Variants in NRXN1 observed in about 807,000 individuals in gnomAD.
NRXN1 encodes neurexin 1.
Under a neutral mutation model 150.9 loss-of-function variants are expected in NRXN1, and 39 were observed. That is an observed-to-expected ratio of 0.26 (90% CI 0.20 to 0.34). The LOEUF (loss-of-function observed/expected upper bound fraction) is 0.34. Among genes scored for constraint, NRXN1 ranks in the 10% least tolerant of loss-of-function variants. NRXN1 has a pLI of 1.00. For synonymous variants in NRXN1, 924 were observed against 757.0 expected (o/e 1.22, Z -3.62); for missense variants, 1,815 against 1,949.9 (o/e 0.93, Z 1.30).
intron 18 of NRXN1, among the ~76,000 whole-genome samples, chr2:50,167,353 C>T (rs17040074): frequency 0.011 from 1,637 of 152,184 alleles, 33 homozygotes; most frequent in African/African-American, 0.037. Flanking sequence ...GAAATCCTCT[C>T]GCTCAACATG....
chr2:50,609,714 G>A lies in NRXN1; in HGVS notation c.1320+10308C>T, dbSNP rs1035629301. 9.2e-5 allele frequency among the ~76,000 whole-genome samples: 14 copies of A among 152,144 alleles called. No individual in the cohort carries two copies. The East Asian group carries it at 9.7e-4, about 11-fold the overall frequency. On this transcript the variant is annotated intron_variant, in intron 8 of 22. Coordinates refer to ENST00000401669, the MANE Select transcript of NRXN1 (RefSeq NM_001330078.2). The stretch of plus-strand genomic sequence containing the variant: ...TCTATAAAAAGTTATTGTTATTCCT[G>A]TTTAATTCAAATTTAGAAACCTAGG...
intron 5 of NRXN1, among the ~76,000 whole-genome samples, chr2:50,787,556 T>C (rs928649296): frequency 6.6e-6 from 1 of 151,318 alleles, no homozygotes; most frequent in Non-Finnish European, 1.5e-5. Flanking sequence ...AAACTCCATC[T>C]AAAAAAAGAC....
chr2:50,965,727 C>A (rs199666848), intron 2 of NRXN1, among the ~76,000 whole-genome samples: 3 of 151,268 alleles, frequency 2.0e-5, no homozygotes, highest in East Asian at 3.9e-4. Context: ...CAGGTCCTAA[C>A]AACTTTTATT....
At chr2:50,838,056 A>G (rs1394084422) in intron 5 of NRXN1, among the ~76,000 whole-genome samples, 2 of 152,160 alleles carry the variant, frequency 1.3e-5, no homozygotes, top group Admixed American at 1.3e-4. Context: ...GTTAAGGAGT[A>G]GCAGAGAACA....
chr2:50,444,399 A>G (rs892838566), intron 17 of NRXN1, among the ~76,000 whole-genome samples: 2 of 152,178 alleles, frequency 1.3e-5, no homozygotes, highest in Non-Finnish European at 2.9e-5. Flanking sequence ...AGTAAATTAC[A>G]GCACCCACAG....
intron 21 of NRXN1, among the ~76,000 whole-genome samples, chr2:50,037,507 GATAA>G (rs1690223052): frequency 6.6e-6 from 1 of 152,022 alleles, no homozygotes; most frequent in Non-Finnish European, 1.5e-5. Context: ...TTTCTTCATT[GATAA>G]ATAGAGGGTT....
rs764187906 is a variant in NRXN1, at chr2:50,497,731, T to C, written c.2498-17A>G. On this transcript the variant is annotated splice_polypyrimidine_tract_variant and intron_variant, in intron 13 of 22. Coordinates refer to ENST00000401669, the MANE Select transcript of NRXN1 (RefSeq NM_001330078.2). ...CCATTTGACCTAAAAGAGAAGATAA[T>C]ATATGATTATTTTCTGTATCTGAAA... 30 of 1,577,288 alleles carry C rather than the reference T, an allele frequency of 1.9e-5. No homozygotes were observed. The Admixed American group carries it at 5.5e-4, about 29-fold the overall frequency.
chr2:50,123,970 T>A (rs1055221508), intron 18 of NRXN1, among the ~76,000 whole-genome samples: 23 of 152,204 alleles, frequency 1.5e-4, no homozygotes, highest in African/African-American at 5.3e-4. Flanking sequence ...ACGTATCACA[T>A]ACAGATGGTA....
At position 49,921,729 on chromosome 2, in the gene NRXN1, T is replaced by C; in HGVS notation, c.*215A>G. The stretch of plus-strand genomic sequence containing the variant: ...TGAAAACACTGTGGATGTTAGGGAA[T>C]TTATTGGCCCCTGTTTTTTGTTTTT... On this transcript the variant is annotated 3_prime_UTR_variant, in exon 23 of 23. Coordinates refer to ENST00000401669, the MANE Select transcript of NRXN1 (RefSeq NM_001330078.2). 1 of 556,884 alleles carries C rather than the reference T, an allele frequency of 1.8e-6. No homozygotes were observed. The highest frequency in any genetic ancestry group is 3.1e-5 in the East Asian group (1 of 32,382). 34.5% of individuals were successfully genotyped at this position (556,884 alleles called of 1,614,324 possible).
chr2:50,571,827 G>GA (rs1670711891), intron 8 of NRXN1, among the ~76,000 whole-genome samples: 1 of 151,990 alleles, frequency 6.6e-6, no homozygotes, highest in Non-Finnish European at 1.5e-5. Context: ...TAGAAAAAGG[G>GA]AAAAACAAAA....
intron 9 of NRXN1, among the ~76,000 whole-genome samples, chr2:50,542,575 T>C (rs1302210056): frequency 6.6e-6 from 1 of 152,184 alleles, no homozygotes; most frequent in Non-Finnish European, 1.5e-5. Flanking sequence ...TTTTAGAAAA[T>C]CTTTGTAAAA....
At chr2:50,113,297 T>G (rs1456590855) in intron 18 of NRXN1, among the ~76,000 whole-genome samples, 1 of 152,222 alleles carries the variant, frequency 6.6e-6, no homozygotes, top group African/African-American at 2.4e-5. Context: ...TTACCATGCA[T>G]CATAATTATT....
At chr2:50,269,037 T>C (rs555203947) in intron 17 of NRXN1, among the ~76,000 whole-genome samples, 1 of 151,912 alleles carries the variant, frequency 6.6e-6, no homozygotes, top group East Asian at 1.9e-4. Context: ...AATTGTGACA[T>C]TGTAGATATG....
At chr2:50,571,501 T>A (rs1163665890) in intron 8 of NRXN1, among the ~76,000 whole-genome samples, 5 of 152,168 alleles carry the variant, frequency 3.3e-5, no homozygotes, top group Admixed American at 1.3e-4. Flanking sequence ...TCCTTGTTGT[T>A]TCTTGATTCT....
intron 22 of NRXN1, among the ~76,000 whole-genome samples, chr2:49,941,328 G>A (rs1189961938): frequency 2.7e-5 from 4 of 150,264 alleles, no homozygotes; most frequent in African/African-American, 4.9e-5. Flanking sequence ...GACAAAAATC[G>A]GGTGAACAAG....
intron 22 of NRXN1, among the ~76,000 whole-genome samples, chr2:49,930,468 C>T (rs1669940542): frequency 1.3e-5 from 2 of 152,078 alleles, no homozygotes; most frequent in African/African-American, 2.4e-5. Context: ...GAAGAGATCT[C>T]AATGCTGGTG....
At chr2:50,832,650 A>AT (rs1671574470) in intron 5 of NRXN1, among the ~76,000 whole-genome samples, 1 of 151,740 alleles carries the variant, frequency 6.6e-6, no homozygotes, top group African/African-American at 2.4e-5. Context: ...ACAGAGTGAG[A>AT]TCCCGTCTCA....
intron 5 of NRXN1, among the ~76,000 whole-genome samples, chr2:50,785,604 G>C (rs1015853310): frequency 2.6e-5 from 4 of 152,040 alleles, no homozygotes; most frequent in African/African-American, 9.7e-5. Context: ...GGCAGACCCG[G>C]CTGACTAATA....
intron 2 of NRXN1, among the ~76,000 whole-genome samples, chr2:51,001,908 T>G (rs1700126623): frequency 6.6e-6 from 1 of 151,940 alleles, no homozygotes; most frequent in Non-Finnish European, 1.5e-5. Context: ...CATAAGATAT[T>G]CAGGTGAAAG....
Sources: gnomAD v4.1 joint callset for allele counts (sites outside exome capture counted in the v4.1 genomes callset) on GRCh38, gnomAD v4.1.1 for gene constraint, MANE v1.5 for transcripts, NCBI Gene and HGNC (gene_info 2026-07-23, HGNC 2026-07-21) for gene names.